Variants in DDX6 observed in about 807,000 individuals in gnomAD.
The protein encoded by DDX6 is probable ATP-dependent RNA helicase DDX6.
In DDX6, 7 loss-of-function variants were observed where a neutral mutation model predicts 60.6. The observed-to-expected ratio is 0.12, with a 90% confidence interval of 0.07 to 0.22. The LOEUF is 0.22. Ranked by LOEUF, DDX6 falls within the 10% of genes least tolerant of loss-of-function variation. The probability of loss-of-function intolerance (pLI) is 1.00; values close to 1 mark genes in which losing one functional copy is unlikely to be tolerated. For synonymous variants in DDX6, 207 were observed against 201.0 expected (o/e 1.03, Z -0.25); for missense variants, 270 against 589.9 (o/e 0.46, Z 5.62).
intron 1 of DDX6, chr11:118,788,153 C>T (rs1353144447): frequency 6.6e-6 from 1 of 152,024 alleles, no homozygotes; most frequent in Non-Finnish European, 1.5e-5. Context: ...CACTAAAATA[C>T]AAAAATTAAC....
intron 4 of DDX6, among the ~76,000 whole-genome samples, chr11:118,777,331 C>T (rs1338673832): frequency 6.6e-6 from 1 of 152,132 alleles, no homozygotes; most frequent in Non-Finnish European, 1.5e-5. Flanking sequence ...TTAAGTATGT[C>T]TGTTGTCATC....
intron 4 of DDX6, among the ~76,000 whole-genome samples, chr11:118,774,464 C>CTTTTTTTTTTTTTTTTTTTTT (rs11442846): frequency 8.6e-6 from 1 of 116,406 alleles, no homozygotes. Context: ...CTCTAACAGT[C>CTTTTTTTTTTTTTTTTTTTTT]TTTTTTTTTT....
chr11:118,758,599 C>T (rs1458172139), intron 9 of DDX6, among the ~76,000 whole-genome samples, 175 bp downstream of exon 9: 27 of 152,146 alleles, frequency 1.8e-4, no homozygotes, highest in Admixed American at 1.8e-3. Context: ...TCTCAAACTC[C>T]TGACCTCGTG....
At chr11:118,780,407 T>G (rs1861856087) in intron 3 of DDX6, among the ~76,000 whole-genome samples, 2 of 152,018 alleles carry the variant, frequency 1.3e-5, no homozygotes, top group Admixed American at 6.6e-5. Flanking sequence ...AACCTCTGCC[T>G]CCCAAGTTCA....
intron 9 of DDX6, 38 bp downstream of exon 9, chr11:118,758,736 C>T (rs368263913): frequency 1.9e-6 from 3 of 1,608,082 alleles, no homozygotes; most frequent in East Asian, 2.2e-5. Context: ...TACTGGGACT[C>T]GAGAGATAAT....
chr11:118,791,069 C>T (rs1025878416), intron 1 of DDX6, 29 bp downstream of exon 1: 2 of 151,368 alleles, frequency 1.3e-5, no homozygotes, highest in South Asian at 2.1e-4. Context: ...CCGCCCGAGC[C>T]GCCGGCTCCC....
At chr11:118,771,702 A>G (rs1555162602) in intron 4 of DDX6, among the ~76,000 whole-genome samples, 3 of 152,268 alleles carry the variant, frequency 2.0e-5, no homozygotes, top group Non-Finnish European at 4.4e-5. Flanking sequence ...TTTGTTTTAC[A>G]ACTGACAAAA....
At chr11:118,758,978 C>G in intron 8 of DDX6, 76 bp from the exon 9 acceptor site, 1 of 1,555,718 alleles carries the variant, frequency 6.4e-7, no homozygotes, top group South Asian at 1.2e-5. Context: ...AAAATATACC[C>G]TATACGTTTC....
At chr11:118,779,886 C>G (rs753915999) in intron 3 of DDX6, 150 bp from the exon 4 acceptor site, 2 of 567,962 alleles carry the variant, frequency 3.5e-6, no homozygotes, top group Non-Finnish European at 6.3e-6. Flanking sequence ...GAGGCCAAGG[C>G]GGGCAGATCA....
intron 5 of DDX6, among the ~76,000 whole-genome samples, chr11:118,766,106 T>C (rs1224722190): frequency 6.6e-6 from 1 of 151,918 alleles, no homozygotes; most frequent in African/African-American, 2.4e-5. Context: ...CTGCCCCTTA[T>C]AATCTAGATA....
chr11:118,766,577 A>G (rs1861361508), intron 5 of DDX6, among the ~76,000 whole-genome samples: 1 of 152,170 alleles, frequency 6.6e-6, no homozygotes, highest in African/African-American at 2.4e-5. Flanking sequence ...CAATACTATT[A>G]TATAAATATT....
At chr11:118,761,028 T>C (rs1298319139) in intron 7 of DDX6, among the ~76,000 whole-genome samples, 1 of 151,588 alleles carries the variant, frequency 6.6e-6, no homozygotes, top group African/African-American at 2.4e-5. Context: ...TAATTCCAAC[T>C]ACTCAGGAGG....
At chr11:118,781,995 C>A (rs566170599) in intron 2 of DDX6, among the ~76,000 whole-genome samples, 39 of 149,894 alleles carry the variant, frequency 2.6e-4, no homozygotes, top group Admixed American at 8.7e-4. Context: ...AGCGGATCAC[C>A]TGAGGTCAGG....
Position 118,786,061 on chromosome 11 carries a change from G to A in DDX6, c.191C>T (p.Thr64Ile). ...GTQQQAQSMT[T>I]TIKPGDDWKK... Reference sequence around the variant, plus strand: ...TTACTCTAACACTTACTTAATAGTGGTGGTCATACTCTGTGCTTGCTGCTG... The same window carrying A: ...TTACTCTAACACTTACTTAATAGTGATGGTCATACTCTGTGCTTGCTGCTG... Residue 64 changes from threonine to isoleucine, a missense_variant, in exon 2 of 14, where the codon ACC becomes ATC. Thr to Ile is a moderately conservative substitution (Grantham distance 89). This residue lies in a region of DDX6 where 102 missense variants were observed against 110.5 expected (regional missense o/e 0.92). Transcript: ENST00000534980. The A allele has an allele frequency of 6.2e-7, 1 of 1,613,112 alleles. No homozygotes were observed. Among genetic ancestry groups the A allele is most frequent in the Non-Finnish European group, 8.5e-7 (1 of 1,179,438 alleles).
Position 118,756,027 on chromosome 11 carries a change from C to G in DDX6, c.1174+233G>C, listed in dbSNP as rs868926349. On this transcript the variant is annotated intron_variant, in intron 11 of 13. Transcript: ENST00000534980. ...AGATTCCATCCCCCTCCCCCCCCCC[C>G]CCAAAAAAAAGACAGAGATGAGGTA... is the stretch of plus-strand genomic sequence containing the variant. Among the ~76,000 whole-genome samples, 597 of 119,098 alleles carry G rather than the reference C, an allele frequency of 5.0e-3. 20 individuals are homozygous for G. The highest frequency in any genetic ancestry group is 8.1e-3 in the Middle Eastern group (2 of 246). 78.1% of individuals were successfully genotyped at this position (119,098 alleles called of 152,430 possible).
intron 4 of DDX6, among the ~76,000 whole-genome samples, chr11:118,769,347 T>C (rs1468494777): frequency 6.6e-6 from 1 of 152,196 alleles, no homozygotes; most frequent in Non-Finnish European, 1.5e-5. Flanking sequence ...CCTACTTCTC[T>C]GTTCTGTAAT....
chr11:118,775,967 C>CCAAAAACAAAAA (rs541954503), intron 4 of DDX6, among the ~76,000 whole-genome samples: 1 of 151,902 alleles, frequency 6.6e-6, no homozygotes, highest in Non-Finnish European at 1.5e-5. Context: ...CTTGACTCTA[C>CCAAAAACAAAAA]CAAAAACAAA....
intron 5 of DDX6, among the ~76,000 whole-genome samples, chr11:118,766,682 C>T (rs1861365311): frequency 6.6e-6 from 1 of 152,046 alleles, no homozygotes; most frequent in African/African-American, 2.4e-5. Context: ...CAACCTCTGC[C>T]TCCCAGGTTC....
intron 4 of DDX6, among the ~76,000 whole-genome samples, chr11:118,778,049 A>C (rs1555163989): frequency 6.6e-6 from 1 of 152,068 alleles, no homozygotes; most frequent in Non-Finnish European, 1.5e-5. Flanking sequence ...AATTGAAAAA[A>C]ATGGTGAGTA....
Sources: allele counts gnomAD v4.1 joint callset (sites outside exome capture counted in the v4.1 genomes callset), GRCh38; gene constraint gnomAD v4.1.1; regional missense constraint gnomAD v4.1.1; transcripts MANE v1.5; gene names NCBI Gene and HGNC (gene_info 2026-07-23, HGNC 2026-07-21).